WDR93: variants seen among roughly 807,000 people sequenced by gnomAD.
WDR93 encodes WD repeat domain 93.
Under a neutral mutation model 82.9 loss-of-function variants are expected in WDR93, and 73 were observed. The observed-to-expected ratio is 0.88, with a 90% CI of 0.73 to 1.07. The LOEUF is 1.07. WDR93 is among the 50% of genes least tolerant of loss of function. The probability of loss-of-function intolerance (pLI) is 0.00; values close to 1 mark genes in which losing one functional copy is unlikely to be tolerated. For missense variants in WDR93, 738 were observed against 826.0 expected (o/e 0.89, Z 1.31); for synonymous variants, 283 against 300.1 (o/e 0.94, Z 0.59).
intron 4 of WDR93, among the ~76,000 whole-genome samples, chr15:89,706,266 T>C (rs886272527): frequency 1.3e-5 from 2 of 152,118 alleles, no homozygotes; most frequent in African/African-American, 4.8e-5. Context: ...TCTCAGAAAG[T>C]ATTTTTCAAA....
At chr15:89,736,829 C>T (rs538257831) in intron 14 of WDR93, among the ~76,000 whole-genome samples, 163 of 149,354 alleles carry the variant, frequency 1.1e-3, no homozygotes, top group African/African-American at 3.1e-3. Flanking sequence ...TCTCGCTCTG[C>T]CGCCCAGGCT....
chr15:89,737,761 G>T lies in WDR93; in HGVS notation c.1765+32G>T. ...AAAGGGACCAGGGCTGATGCCCACT[G>T]ACCATTTCCCTGACTTAGTTCTCTC... On this transcript the variant is annotated intron_variant, in intron 15 of 16. Transcript: ENST00000268130. 1.9e-6 allele frequency: 3 copies of T among 1,612,904 alleles called. No individual in the cohort carries two copies. In the South Asian group the frequency reaches 3.3e-5, roughly 18 times the overall value.
intron 8 of WDR93, among the ~76,000 whole-genome samples, chr15:89,724,899 T>A (rs956050789): frequency 2.0e-5 from 3 of 152,214 alleles, no homozygotes; most frequent in African/African-American, 7.2e-5. Context: ...GAAAATGTGT[T>A]TGCTATTATC....
intron 1 of WDR93, among the ~76,000 whole-genome samples, chr15:89,697,276 G>C (rs1965228278): frequency 6.6e-6 from 1 of 151,926 alleles, no homozygotes; most frequent in Non-Finnish European, 1.5e-5. Flanking sequence ...TTTTATTTTA[G>C]CCATTCTAAT....
chr15:89,713,742 G>C (rs1966110566), intron 5 of WDR93, among the ~76,000 whole-genome samples: 3 of 152,146 alleles, frequency 2.0e-5, no homozygotes, highest in Non-Finnish European at 4.4e-5. Context: ...GAAAGTGCTA[G>C]GATTACAGGC....
intron 7 of WDR93, among the ~76,000 whole-genome samples, chr15:89,720,329 G>A (rs1966468413): frequency 6.6e-6 from 1 of 151,824 alleles, no homozygotes; most frequent in Non-Finnish European, 1.5e-5. Context: ...CTGGAGTGCA[G>A]TGGTGCAATC....
At chr15:89,692,853 C>A (rs1964968798) in intron 1 of WDR93, among the ~76,000 whole-genome samples, 1 of 152,192 alleles carries the variant, frequency 6.6e-6, no homozygotes, top group Non-Finnish European at 1.5e-5. Flanking sequence ...GGTGATCCAC[C>A]TACCTCGAGC....
chr15:89,721,009 T>A (rs1023937829), intron 7 of WDR93: 14 of 152,232 alleles, frequency 9.2e-5, no homozygotes, highest in African/African-American at 2.7e-4. Flanking sequence ...ATTAGATGCT[T>A]AACAATTTGG....
chr15:89,691,005 G>C (rs1334005965), intron 1 of WDR93, 148 bp downstream of exon 1: 1 of 189,074 alleles, frequency 5.3e-6, no homozygotes, highest in Non-Finnish European at 1.1e-5. Context: ...CCTCCCCGCA[G>C]ATCTCAGGTT....
chr15:89,691,295 T>A (rs981552703), intron 1 of WDR93, among the ~76,000 whole-genome samples: 3 of 152,188 alleles, frequency 2.0e-5, no homozygotes, highest in African/African-American at 7.2e-5. Context: ...AAAGAGTCAT[T>A]ATGAGCAAAG....
intron 8 of WDR93, among the ~76,000 whole-genome samples, chr15:89,726,191 G>A (rs1208433744): frequency 6.6e-6 from 1 of 152,222 alleles, no homozygotes; most frequent in Non-Finnish European, 1.5e-5. Context: ...AAGAAGCTGA[G>A]ATGGAAGGAT....
At chr15:89,739,249 G>A (rs1285356284) in intron 16 of WDR93, among the ~76,000 whole-genome samples, 1 of 152,088 alleles carries the variant, frequency 6.6e-6, no homozygotes, top group African/African-American at 2.4e-5. Flanking sequence ...ACACAGCCGT[G>A]CCCATTTGTT....
chr15:89,742,974 A>G (rs1256590079), intron 16 of WDR93, among the ~76,000 whole-genome samples: 2 of 152,226 alleles, frequency 1.3e-5, no homozygotes, highest in Non-Finnish European at 2.9e-5. Context: ...GTGTCAGAAC[A>G]TCTTCCTTTT....
In WDR93 at chr15:89,735,622, G is replaced by C. The variant is rs1357819780; in HGVS notation, c.1608+69G>C. 20 of 1,514,194 alleles carry C rather than the reference G, an allele frequency of 1.3e-5. No individual in the cohort carries two copies. The South Asian group carries it at 1.7e-4, about 13-fold the overall frequency. 93.8% of individuals were successfully genotyped at this position (1,514,194 alleles called of 1,614,324 possible). ...TTCTCTTCTGTGAATGTGTTCATCT[G>C]TCCTTTAGAAAATGCTTATTGAAGG... On this transcript the variant is annotated intron_variant, in intron 14 of 16. Transcript: ENST00000268130.
chr15:89,711,823 T>C (rs1298733632), intron 4 of WDR93, among the ~76,000 whole-genome samples: 3 of 152,220 alleles, frequency 2.0e-5, no homozygotes, highest in Non-Finnish European at 2.9e-5. Flanking sequence ...AAACCTTACA[T>C]AGAAAAGCGA....
intron 14 of WDR93, among the ~76,000 whole-genome samples, chr15:89,736,348 C>T (rs1215747347): frequency 6.6e-6 from 1 of 152,086 alleles, no homozygotes; most frequent in Non-Finnish European, 1.5e-5. Flanking sequence ...GGTGAGGGGC[C>T]TACAGGACCC....
At chr15:89,720,175 T>A (rs1257773782) in intron 7 of WDR93, among the ~76,000 whole-genome samples, 3 of 152,228 alleles carry the variant, frequency 2.0e-5, no homozygotes, top group Non-Finnish European at 4.4e-5. Flanking sequence ...TGCTATACAC[T>A]TGTATCTAAG....
chr15:89,722,805 C>T (rs1024017415), intron 8 of WDR93, among the ~76,000 whole-genome samples: 1 of 151,768 alleles, frequency 6.6e-6, no homozygotes, highest in Non-Finnish European at 1.5e-5. Flanking sequence ...ATCACAAAGA[C>T]ATATCTATAA....
rs1170109589 is a variant in WDR93, at chr15:89,712,396, CTTTT to C, written c.640+312_640+315del. On this transcript the variant is annotated intron_variant, in intron 5 of 16. Coordinates refer to ENST00000268130, the MANE Select transcript of WDR93 (RefSeq NM_020212.2). Reference sequence around the variant, plus strand: ...GGATTTCACTAGTTTTTCCACTAATCTTTTTTTTTTTTTTTTTTTTTTTGCTCCA... The same window carrying C: ...GGATTTCACTAGTTTTTCCACTAATCTTTTTTTTTTTTTTTTTTTGCTCCA... Among the ~76,000 whole-genome samples, 284 of 80,500 alleles carry C rather than the reference CTTTT, an allele frequency of 3.5e-3. 2 individuals are homozygous for C. The highest frequency in any genetic ancestry group is 5.4e-3 in the Non-Finnish European group (245 of 45,698). 52.8% of individuals were successfully genotyped at this position (80,500 alleles called of 152,430 possible).
Sources: allele counts gnomAD v4.1 joint callset (sites outside exome capture counted in the v4.1 genomes callset), GRCh38; gene constraint gnomAD v4.1.1; transcripts MANE v1.5; gene names NCBI Gene and HGNC (gene_info 2026-07-23, HGNC 2026-07-21).